The following RBPMS2 variants were observed in gnomAD, a reference collection of about 807,000 sequenced individuals.
RBPMS2 encodes the protein RNA binding protein, mRNA processing factor 2.
RBPMS2 carries 14 observed loss-of-function variants against 25.7 expected under a neutral mutation model. The ratio of observed to expected loss-of-function variants is 0.55; its 90% CI spans 0.36 to 0.85. RBPMS2 has a LOEUF of 0.85. RBPMS2 is among the 40% of genes least tolerant of loss of function. The pLI is 0.01. For missense variants in RBPMS2, 252 were observed against 283.4 expected (o/e 0.89, Z 0.80); for synonymous variants, 127 against 115.6 (o/e 1.10, Z -0.63).
At chr15:64,759,674 A>ATTAT (rs1479731843) in intron 1 of RBPMS2, among the ~76,000 whole-genome samples, 1 of 151,882 alleles carries the variant, frequency 6.6e-6, no homozygotes, top group African/African-American at 2.4e-5. Context: ...TCTTTTTTTA[A>ATTAT]TTATTTTTTA....
intron 6 of RBPMS2, among the ~76,000 whole-genome samples, 156 bp downstream of exon 6, chr15:64,748,263 C>T (rs564000446): frequency 2.0e-5 from 3 of 152,304 alleles, no homozygotes; most frequent in Admixed American, 1.3e-4. Flanking sequence ...AAGGGGAGGA[C>T]AAATAGGTCC....
At chr15:64,769,602 G>A (rs955354782) in intron 1 of RBPMS2, among the ~76,000 whole-genome samples, 5 of 152,038 alleles carry the variant, frequency 3.3e-5, no homozygotes, top group African/African-American at 1.2e-4. Flanking sequence ...AGAGCTTGCA[G>A]TGAGCTGAGA....
chr15:64,741,277 C>T, intron 6 of RBPMS2, 35 bp from the exon 7 acceptor site: 9 of 1,530,276 alleles, frequency 5.9e-6, no homozygotes, highest in African/African-American at 1.4e-5. Flanking sequence ...GCCAGCTGTG[C>T]ATCCCTTCCC....
At chr15:64,743,036 G>A (rs919040344) in intron 6 of RBPMS2, among the ~76,000 whole-genome samples, 1 of 152,248 alleles carries the variant, frequency 6.6e-6, no homozygotes, top group African/African-American at 2.4e-5. Flanking sequence ...GAGGAAACGA[G>A]CAATGCTGCT....
At chr15:64,761,182 C>T (rs1480481307) in intron 1 of RBPMS2, 2 of 152,222 alleles carry the variant, frequency 1.3e-5, no homozygotes, top group African/African-American at 2.4e-5. Context: ...CCCACTGCTT[C>T]GAGCGAGCTC....
intron 1 of RBPMS2, among the ~76,000 whole-genome samples, chr15:64,763,336 T>C (rs2083810260): frequency 6.6e-6 from 1 of 152,184 alleles, no homozygotes; most frequent in Non-Finnish European, 1.5e-5. Flanking sequence ...CCATGCTTCC[T>C]GCAAGGAGCT....
At chr15:64,748,597 C>T in intron 5 of RBPMS2, 30 bp from the exon 6 acceptor site, 1 of 1,518,768 alleles carries the variant, frequency 6.6e-7, no homozygotes, top group East Asian at 2.3e-5. Context: ...CCTCCATCAT[C>T]AGAACACTCG....
At chr15:64,759,357 G>A (rs968835315) in intron 1 of RBPMS2, among the ~76,000 whole-genome samples, 24 of 152,136 alleles carry the variant, frequency 1.6e-4, no homozygotes, top group African/African-American at 5.6e-4. Flanking sequence ...GGCTGCCCAG[G>A]TCACCCAGCC....
At chr15:64,762,404 G>A in intron 1 of RBPMS2, 1 of 534,666 alleles carries the variant, frequency 1.9e-6, no homozygotes, top group Non-Finnish European at 3.8e-6. Context: ...CCAGACCACA[G>A]AGCACACGAG....
intron 1 of RBPMS2, among the ~76,000 whole-genome samples, chr15:64,769,146 T>C (rs1167713122): frequency 7.7e-6 from 1 of 129,764 alleles, no homozygotes; most frequent in Non-Finnish European, 1.6e-5. Context: ...ATATGCAAGA[T>C]GTGTAAGGAT....
intron 6 of RBPMS2, among the ~76,000 whole-genome samples, chr15:64,744,236 G>T (rs1399863784): frequency 6.6e-6 from 1 of 151,958 alleles, no homozygotes; most frequent in African/African-American, 2.4e-5. Flanking sequence ...CTTTCACCGT[G>T]TCATAGTTCT....
intron 1 of RBPMS2, among the ~76,000 whole-genome samples, chr15:64,763,827 A>C (rs1403192245): frequency 5.4e-5 from 6 of 111,024 alleles, no homozygotes; most frequent in South Asian, 3.6e-4. Flanking sequence ...GGGGGAATAG[A>C]GACTGGGGGG....
rs575895068 is a variant in RBPMS2, at chr15:64,765,597, G to A, written c.87+9636C>T. ...CTGTGTCAGAATAAAAAAAAGGGCG[G>A]GGGGGGACCAGTCTGGGCAAAAACT... On this transcript the variant is annotated intron_variant, in intron 1 of 7. Coordinates refer to ENST00000300069, the MANE Select transcript of RBPMS2 (RefSeq NM_194272.3). Among the ~76,000 whole-genome samples the A allele has an allele frequency of 3.0e-4, 15 of 49,984 alleles. 1 individual carries two copies. In the Admixed American group the frequency reaches 3.1e-3, roughly 10 times the overall value. 32.8% of individuals were successfully genotyped at this position (49,984 alleles called of 152,430 possible).
At position 64,740,640 on chromosome 15, in the gene RBPMS2, T is replaced by C. The variant is rs2083552320; in HGVS notation, c.*368A>G. 1 of 158,246 alleles carries C rather than the reference T, an allele frequency of 6.3e-6. No individual in the cohort carries two copies. Among genetic ancestry groups the C allele is most frequent in the African/African-American group, 2.4e-5 (1 of 41,512 alleles). The allele number at this position is 158,246 out of a possible 1,614,324, so 9.8% of individuals were successfully genotyped here. ...ATATATACAAGTATAAGTGTCTTAA[T>C]TCATGCCAGAAAACATGCAAAATTA... is the stretch of plus-strand genomic sequence containing the variant. On this transcript the variant is annotated 3_prime_UTR_variant, in exon 8 of 8. Coordinates refer to ENST00000300069, the MANE Select transcript of RBPMS2 (RefSeq NM_194272.3).
intron 2 of RBPMS2, 63 bp from the exon 3 acceptor site, chr15:64,750,444 T>C: frequency 2.1e-6 from 3 of 1,408,454 alleles, no homozygotes; most frequent in Non-Finnish European, 3.0e-6. Context: ...AGCCCAGCGC[T>C]GCCACCTCAT....
chr15:64,742,715 G>A (rs1162758462), intron 6 of RBPMS2, among the ~76,000 whole-genome samples: 1 of 152,178 alleles, frequency 6.6e-6, no homozygotes, highest in African/African-American at 2.4e-5. Context: ...GTCCCCTCAG[G>A]AAGGGAAGGG....
At chr15:64,754,216 G>T (rs868636982) in intron 1 of RBPMS2, among the ~76,000 whole-genome samples, 1 of 152,276 alleles carries the variant, frequency 6.6e-6, no homozygotes, top group Middle Eastern at 3.4e-3. Context: ...GGAGGCTGAG[G>T]CAAGAGAATC....
chr15:64,763,273 C>T (rs1234878908), intron 1 of RBPMS2, among the ~76,000 whole-genome samples: 1 of 152,120 alleles, frequency 6.6e-6, no homozygotes, highest in African/African-American at 2.4e-5. Flanking sequence ...GCAAGCAGCA[C>T]ACAGCCAGAC....
chr15:64,759,088 T>C (rs1403219901), intron 1 of RBPMS2, among the ~76,000 whole-genome samples: 1 of 152,030 alleles, frequency 6.6e-6, no homozygotes, highest in East Asian at 1.9e-4. Flanking sequence ...ACCTCACCCA[T>C]CCTGAGCCAC....
Sources: gnomAD v4.1 joint callset for allele counts (sites outside exome capture counted in the v4.1 genomes callset) on GRCh38, gnomAD v4.1.1 for gene constraint, MANE v1.5 for transcripts, NCBI Gene and HGNC (gene_info 2026-07-23, HGNC 2026-07-21) for gene names.